Variants in MDM2 observed in about 807,000 individuals in gnomAD.
The protein encoded by MDM2 is MDM2 proto-oncogene.
Under a neutral mutation model 64.3 loss-of-function variants are expected in MDM2, and 11 were observed. The ratio of observed to expected loss-of-function variants is 0.17; its 90% CI spans 0.11 to 0.28. MDM2 has a LOEUF of 0.28. MDM2 is among the 10% of genes least tolerant of loss of function. MDM2 has a pLI of 1.00. For missense variants in MDM2, 388 were observed against 577.1 expected (o/e 0.67, Z 3.36); for synonymous variants, 194 against 192.9 (o/e 1.01, Z -0.05).
chr12:68,814,947 C>T (rs1881222036), intron 3 of MDM2, among the ~76,000 whole-genome samples: 1 of 152,174 alleles, frequency 6.6e-6, no homozygotes, highest in Non-Finnish European at 1.5e-5. Context: ...TCTTTTTCCT[C>T]TCCAGCTATA....
In MDM2 at chr12:68,839,286, T is replaced by C; in HGVS notation, c.931T>C (p.Cys311Arg). ...TATTTCATTGAAGGACTATTGGAAA[T>C]GCACTTCATGCAATGAAATGAATCC... Reference protein sequence around the residue: ...PEISLADYWKCTSCNEMNPPL... With the variant: ...PEISLADYWKRTSCNEMNPPL... Residue 311 changes from cysteine to arginine, a missense_variant, in exon 11 of 11, where the codon TGC (cysteine) becomes CGC (arginine). Cys to Arg is a radical substitution (Grantham distance 180, BLOSUM62 -3). This residue lies in a region of MDM2 where 168 missense variants were observed against 236.6 expected (regional missense o/e 0.71). Coordinates refer to ENST00000258149, the MANE Select transcript of MDM2 (RefSeq NM_002392.6). 1 of 1,612,570 alleles carries C rather than the reference T, an allele frequency of 6.2e-7. No individual in the cohort carries two copies. Among genetic ancestry groups the C allele is most frequent in the Non-Finnish European group, 8.5e-7 (1 of 1,179,270 alleles).
intron 2 of MDM2, among the ~76,000 whole-genome samples, chr12:68,812,955 T>C (rs1377271103): frequency 6.6e-6 from 1 of 152,214 alleles, no homozygotes. Context: ...TTGTAATTTC[T>C]TTTGCAGTAC....
In MDM2 at chr12:68,840,928, T is replaced by G. The variant is rs1045441728; in HGVS notation, c.*1079T>G. 2 of 154,088 alleles carry G rather than the reference T, an allele frequency of 1.3e-5. No homozygotes were observed. The highest frequency in any genetic ancestry group is 7.0e-5 in the Admixed American group (1 of 14,244). The allele number at this position is 154,088 out of a possible 1,614,324, so 9.5% of individuals were successfully genotyped here. On this transcript the variant is annotated 3_prime_UTR_variant, in exon 11 of 11. Transcript: ENST00000258149. ...GGAGTGATCTCGGCTCACTGCAACT[T>G]CCGCCTTCTGGGTTCAAGCTATTCT...
Position 68,808,358 on chromosome 12 carries a change from A to T in MDM2, c.-120A>T. On this transcript the variant is annotated 5_prime_UTR_variant, in exon 1 of 11. Coordinates refer to ENST00000258149, the MANE Select transcript of MDM2 (RefSeq NM_002392.6). ...CCCGGATTAGTGCGTACGAGCGCCC[A>T]GTGCCCTGGCCCGGAGAGTGGAATG... 7.4e-7 allele frequency: 1 copy of T among 1,357,848 alleles called. No individual in the cohort carries two copies. Among genetic ancestry groups the T allele is most frequent in the Non-Finnish European group, 1.0e-6 (1 of 957,452 alleles). The allele number at this position is 1,357,848 out of a possible 1,614,324, so 84.1% of individuals were successfully genotyped here.
At chr12:68,849,037 G>A (rs1884517635), downstream of MDM2, 1 of 151,486 alleles carries the variant, frequency 6.6e-6, no homozygotes, top group South Asian at 2.1e-4. Flanking sequence ...TTAACCACAA[G>A]GTGGGAGGTG....
intron 7 of MDM2, among the ~76,000 whole-genome samples, chr12:68,825,836 G>A (rs1011983265): frequency 2.0e-5 from 3 of 152,146 alleles, no homozygotes; most frequent in African/African-American, 4.8e-5. Flanking sequence ...TCGTACATGC[G>A]GGCAGAAGAC....
At chr12:68,838,483 G>A (rs1223460104) in intron 10 of MDM2, among the ~76,000 whole-genome samples, 1 of 152,182 alleles carries the variant, frequency 6.6e-6, no homozygotes, top group African/African-American at 2.4e-5. Context: ...AGGATGATAG[G>A]TTTTAGCAGC....
chr12:68,837,215 A>G (rs1015481890), intron 10 of MDM2, among the ~76,000 whole-genome samples: 2 of 152,018 alleles, frequency 1.3e-5, no homozygotes, highest in African/African-American at 2.4e-5. Flanking sequence ...TGGTCTCTCA[A>G]AGTGCTGGGA....
At chr12:68,833,563 T>C (rs1425328446) in intron 8 of MDM2, among the ~76,000 whole-genome samples, 1 of 151,320 alleles carries the variant, frequency 6.6e-6, no homozygotes, top group Admixed American at 6.6e-5. Flanking sequence ...ATAGTATTTT[T>C]ATAGTATCCT....
intron 8 of MDM2, among the ~76,000 whole-genome samples, chr12:68,829,732 C>T (rs796927345): frequency 2.4e-4 from 35 of 147,384 alleles, no homozygotes; most frequent in African/African-American, 8.4e-4. Context: ...TGCCACTGCA[C>T]TCTAGCCTGG....
chr12:68,809,661 GAA>G (rs1191711196), intron 2 of MDM2, among the ~76,000 whole-genome samples: 2 of 152,100 alleles, frequency 1.3e-5, no homozygotes, highest in Non-Finnish European at 2.9e-5. Flanking sequence ...TGTCATTAGA[GAA>G]ATTTTAAAGT....
At chr12:68,815,328 A>G (rs1263589854) in intron 3 of MDM2, among the ~76,000 whole-genome samples, 2 of 151,446 alleles carry the variant, frequency 1.3e-5, no homozygotes, top group Non-Finnish European at 2.9e-5. Flanking sequence ...GTTCTCAGTT[A>G]TAGGATCTTT....
chr12:68,838,864 A>G (rs1043788269), intron 10 of MDM2, among the ~76,000 whole-genome samples: 2 of 152,180 alleles, frequency 1.3e-5, no homozygotes, highest in Non-Finnish European at 2.9e-5. Flanking sequence ...GGTGAAAAAA[A>G]TGGGTGTACT....
intron 7 of MDM2, among the ~76,000 whole-genome samples, chr12:68,826,803 C>T (rs1354092453): frequency 2.6e-5 from 4 of 152,076 alleles, no homozygotes; most frequent in East Asian, 1.9e-4. Context: ...AATTGCAGCC[C>T]GGCCAAGATC....
intron 1 of MDM2, 99 bp downstream of exon 1, chr12:68,808,590 C>A: frequency 1.3e-6 from 2 of 1,546,702 alleles, no homozygotes; most frequent in Admixed American, 1.8e-5. Flanking sequence ...AGCCTTTGTG[C>A]GGTTCGTGGC....
At chr12:68,811,601 A>ATTTTTT (rs34328350) in intron 2 of MDM2, among the ~76,000 whole-genome samples, 1 of 114,362 alleles carries the variant, frequency 8.7e-6, no homozygotes, top group Non-Finnish European at 1.7e-5. Context: ...TCCATTACAG[A>ATTTTTT]TTTTTTTTTT....
At chr12:68,810,891 G>T (rs746218072) in intron 2 of MDM2, among the ~76,000 whole-genome samples, 1 of 150,772 alleles carries the variant, frequency 6.6e-6, no homozygotes. Flanking sequence ...TTGAGACAGA[G>T]TTTCACTCCT....
rs904037562 is a variant in MDM2 at position 68,844,407 on chromosome 12, G to A, written c.*4558G>A. ...AGAGAATGATGTTGCAAGTTAGTAGGAGTAAGAAATGCTGTGTTCTCCCTG... is the reference window on the plus strand; with the variant it reads ...AGAGAATGATGTTGCAAGTTAGTAGAAGTAAGAAATGCTGTGTTCTCCCTG... On this transcript the variant is annotated 3_prime_UTR_variant, in exon 11 of 11. Coordinates refer to ENST00000258149, the MANE Select transcript of MDM2 (RefSeq NM_002392.6). The A allele has an allele frequency of 8.8e-6, 2 of 227,060 alleles. No homozygotes were observed. Among genetic ancestry groups the A allele is most frequent in the African/African-American group, 4.4e-5 (2 of 44,980 alleles). The allele number at this position is 227,060 out of a possible 1,614,324, so 14.1% of individuals were successfully genotyped here.
At chr12:68,822,730 G>A (rs541092135) in intron 5 of MDM2, among the ~76,000 whole-genome samples, 13 of 143,676 alleles carry the variant, frequency 9.0e-5, no homozygotes, top group African/African-American at 2.8e-4. Context: ...CCTATTCCAT[G>A]TTCTCAACTT....
Sources: allele counts gnomAD v4.1 joint callset (sites outside exome capture counted in the v4.1 genomes callset), GRCh38; gene constraint gnomAD v4.1.1; regional missense constraint gnomAD v4.1.1; transcripts MANE v1.5; gene names NCBI Gene and HGNC (gene_info 2026-07-23, HGNC 2026-07-21).